NDFIP2: variants seen among roughly 807,000 people sequenced by gnomAD.
The protein encoded by NDFIP2 is NEDD4 family-interacting protein 2.
Under a neutral mutation model 36.0 loss-of-function variants are expected in NDFIP2, and 19 were observed. The observed-to-expected ratio is 0.53, with a 90% confidence interval of 0.37 to 0.77. The LOEUF is 0.77. Among genes scored for constraint, NDFIP2 ranks in the 30% least tolerant of loss-of-function variants. The pLI is 0.00. For missense variants in NDFIP2, 446 were observed against 435.8 expected, an observed-to-expected ratio of 1.02 and a Z score of -0.21; for synonymous variants, 181 against 167.7, an observed-to-expected ratio of 1.08 and a Z score of -0.61.
At chr13:79,496,221 GT>G (rs1460020457) in intron 1 of NDFIP2, among the ~76,000 whole-genome samples, 1 of 151,870 alleles carries the variant, frequency 6.6e-6, no homozygotes, top group African/African-American at 2.4e-5. Context: ...ATTTCTTAAA[GT>G]GCAGATCAGC....
intron 1 of NDFIP2, 142 bp downstream of exon 1, chr13:79,481,666 G>GACCACC: frequency 9.4e-7 from 1 of 1,064,882 alleles, no homozygotes; most frequent in Admixed American, 2.9e-5. Context: ...TCTTCTGGCT[G>GACCACC]GAGCTGCTTC....
At chr13:79,511,138 G>A (rs1231161518) in intron 1 of NDFIP2, among the ~76,000 whole-genome samples, 2 of 152,092 alleles carry the variant, frequency 1.3e-5, no homozygotes, top group African/African-American at 2.4e-5. Flanking sequence ...ATTGGACAAC[G>A]GAAGGCCCTC....
chr13:79,529,611 T>G (rs1329031426), intron 2 of NDFIP2, among the ~76,000 whole-genome samples: 1 of 152,218 alleles, frequency 6.6e-6, no homozygotes, highest in African/African-American at 2.4e-5. Context: ...TTGTGTTTGG[T>G]AACATTCAGT....
chr13:79,508,814 G>T (rs1048228935), intron 1 of NDFIP2, among the ~76,000 whole-genome samples: 2 of 152,134 alleles, frequency 1.3e-5, no homozygotes, highest in Non-Finnish European at 2.9e-5. Context: ...AGTTGCTCTG[G>T]TTCAAACATC....
rs752959468 is a variant in NDFIP2 at position 79,537,826 on chromosome 13, A to G, written c.622-1856A>G. Among the ~76,000 whole-genome samples, 51 of 152,322 alleles carry G rather than the reference A, an allele frequency of 3.3e-4. 1 individual carries two copies. Among genetic ancestry groups the G allele is most frequent in the Admixed American group, 1.3e-3 (20 of 15,296 alleles). ...CACAAAATTGAGTTATTCACACTCA[A>G]CTGAGATGATGTGTACCGTATTAGT... On this transcript the variant is annotated intron_variant, in intron 3 of 7. Coordinates refer to ENST00000218652, the MANE Select transcript of NDFIP2 (RefSeq NM_019080.3).
chr13:79,515,546 T>C (rs1874264961), intron 1 of NDFIP2, among the ~76,000 whole-genome samples: 1 of 152,232 alleles, frequency 6.6e-6, no homozygotes, highest in African/African-American at 2.4e-5. Flanking sequence ...AGCAGAGGTT[T>C]AGTGGAAAAG....
At chr13:79,521,631 C>T (rs1874585612) in intron 2 of NDFIP2, among the ~76,000 whole-genome samples, 1 of 152,042 alleles carries the variant, frequency 6.6e-6, no homozygotes, top group South Asian at 2.1e-4. Context: ...CTGTATTTAA[C>T]ATCATCTACT....
intron 1 of NDFIP2, among the ~76,000 whole-genome samples, chr13:79,505,548 T>G (rs1189971382): frequency 4.6e-5 from 7 of 151,612 alleles, no homozygotes; most frequent in Admixed American, 3.9e-4. Flanking sequence ...GAGGATTGCT[T>G]GAGCCCAGAA....
At chr13:79,485,506 A>C (rs141614697) in intron 1 of NDFIP2, among the ~76,000 whole-genome samples, 1 of 152,334 alleles carries the variant, frequency 6.6e-6, no homozygotes, top group African/African-American at 2.4e-5. Flanking sequence ...GAAGTGTTGC[A>C]GGCTCTTACC....
At chr13:79,509,011 A>G (rs1288553041) in intron 1 of NDFIP2, among the ~76,000 whole-genome samples, 2 of 152,172 alleles carry the variant, frequency 1.3e-5, no homozygotes, top group Non-Finnish European at 2.9e-5. Context: ...TGTTTTGTGT[A>G]ATAAAATTAT....
rs1385049680 is a variant in NDFIP2 at position 79,554,423 on chromosome 13, A to G, written c.*1910A>G. 4 of 151,796 alleles carry G rather than the reference A, an allele frequency of 2.6e-5. No homozygotes were observed. Among genetic ancestry groups the G allele is most frequent in the Non-Finnish European group, 5.9e-5 (4 of 67,744 alleles). 9.4% of individuals were successfully genotyped at this position (151,796 alleles called of 1,614,324 possible). On this transcript the variant is annotated 3_prime_UTR_variant, in exon 8 of 8. Coordinates refer to ENST00000218652, the MANE Select transcript of NDFIP2 (RefSeq NM_019080.3). ...TTACTAGGAAGCTTAGCTATCAAAC[A>G]TCGACTTACTAAAATTTCATTTTAG...
At chr13:79,538,913 A>G (rs1308926098) in intron 3 of NDFIP2, among the ~76,000 whole-genome samples, 2 of 152,156 alleles carry the variant, frequency 1.3e-5, no homozygotes, top group Non-Finnish European at 2.9e-5. Flanking sequence ...TCTCACATCC[A>G]GGGCTTACTG....
At chr13:79,533,532 AGTTC>A in intron 3 of NDFIP2, 76 bp downstream of exon 3, 1 of 1,370,598 alleles carries the variant, frequency 7.3e-7, no homozygotes, top group Non-Finnish European at 9.7e-7. Flanking sequence ...TACTAAAAAC[AGTTC>A]TTTGTGTGTA....
intron 1 of NDFIP2, among the ~76,000 whole-genome samples, chr13:79,513,643 A>C (rs1874159536): frequency 6.6e-6 from 1 of 152,092 alleles, no homozygotes; most frequent in African/African-American, 2.4e-5. Context: ...ACCTTAGAGG[A>C]AAGAAAGTGT....
At chr13:79,546,296 A>G (rs1388584737) in intron 5 of NDFIP2, among the ~76,000 whole-genome samples, 4 of 152,144 alleles carry the variant, frequency 2.6e-5, no homozygotes, top group African/African-American at 9.7e-5. Context: ...TTTTGTGTAA[A>G]TATCTTTAGC....
At chr13:79,491,430 C>T (rs1356972555) in intron 1 of NDFIP2, among the ~76,000 whole-genome samples, 1 of 152,184 alleles carries the variant, frequency 6.6e-6, no homozygotes, top group African/African-American at 2.4e-5. Context: ...CTGTCTCTCT[C>T]TCTGAATGGT....
intron 1 of NDFIP2, among the ~76,000 whole-genome samples, chr13:79,502,448 G>T (rs1009400686): frequency 6.6e-6 from 1 of 152,146 alleles, no homozygotes; most frequent in Non-Finnish European, 1.5e-5. Context: ...CAGTCCCTGG[G>T]TCAGAGACAG....
intron 3 of NDFIP2, among the ~76,000 whole-genome samples, chr13:79,535,707 G>A (rs1044516323): frequency 4.6e-5 from 7 of 152,162 alleles, no homozygotes; most frequent in African/African-American, 1.7e-4. Flanking sequence ...TTGCATATGA[G>A]TCTCCATTAC....
intron 2 of NDFIP2, among the ~76,000 whole-genome samples, chr13:79,522,646 A>G (rs1289167300): frequency 1.3e-5 from 2 of 152,000 alleles, no homozygotes; most frequent in Non-Finnish European, 2.9e-5. Context: ...CTTTTTTCAC[A>G]AGTTTGGTGG....
Sources: gnomAD v4.1 joint callset for allele counts (sites outside exome capture counted in the v4.1 genomes callset) on GRCh38, gnomAD v4.1.1 for gene constraint, MANE v1.5 for transcripts, NCBI Gene and HGNC (gene_info 2026-07-23, HGNC 2026-07-21) for gene names.